Variants in PPARD observed in about 807,000 individuals in gnomAD.
The protein encoded by PPARD is peroxisome proliferator-activated receptor delta.
PPARD carries 6 observed loss-of-function variants against 39.5 expected under a neutral mutation model. The observed-to-expected ratio is 0.15, with a 90% confidence interval of 0.08 to 0.30. The LOEUF (loss-of-function observed/expected upper bound fraction) is 0.30. Ranked by LOEUF, PPARD falls within the 10% of genes least tolerant of loss-of-function variation. PPARD has a pLI of 1.00. For synonymous variants in PPARD, 210 were observed against 231.3 expected, an observed-to-expected ratio of 0.91 and a Z score of 0.83; for missense variants, 397 against 596.8, an observed-to-expected ratio of 0.67 and a Z score of 3.49.
intron 2 of PPARD, among the ~76,000 whole-genome samples, chr6:35,409,593 G>A (rs1422105292): frequency 6.6e-6 from 1 of 152,038 alleles, no homozygotes; most frequent in Non-Finnish European, 1.5e-5. Context: ...GGGTACAGAT[G>A]CAGGTTTGTT....
chr6:35,390,257 G>A (rs997491089), intron 2 of PPARD, among the ~76,000 whole-genome samples: 7 of 152,190 alleles, frequency 4.6e-5, no homozygotes, highest in Non-Finnish European at 1.0e-4. Flanking sequence ...CCTCTTATGT[G>A]CCCTCCATCA....
At position 35,369,891 on chromosome 6, in the gene PPARD, C is replaced by G. The variant is rs538628139; in HGVS notation, c.-102+22741C>G. 2.6e-5 allele frequency among the ~76,000 whole-genome samples: 4 copies of G among 152,314 alleles called. No individual in the cohort carries two copies. The East Asian group carries it at 7.7e-4, about 29-fold the overall frequency. On this transcript the variant is annotated intron_variant, in intron 2 of 7. Coordinates refer to ENST00000360694, the MANE Select transcript of PPARD (RefSeq NM_006238.5). ...GTCACCTTCTCTGTCTCCCCTACTA[C>G]TTGGCATAGTTCCTGGCACTTGGTA... is the stretch of plus-strand genomic sequence containing the variant.
intron 1 of PPARD, among the ~76,000 whole-genome samples, 190 bp downstream of exon 1, chr6:35,342,871 G>C (rs891891150): frequency 2.0e-5 from 3 of 152,172 alleles, no homozygotes; most frequent in African/African-American, 7.2e-5. Context: ...GCCGTCGTGC[G>C]TTGCCATGTA....
At chr6:35,384,707 G>C (rs1313585151) in intron 2 of PPARD, among the ~76,000 whole-genome samples, 4 of 92,722 alleles carry the variant, frequency 4.3e-5, no homozygotes, top group African/African-American at 1.9e-4. Context: ...TGGGAGGTGA[G>C]GGGCGCCTCT....
chr6:35,389,300 T>G (rs1040163239), intron 2 of PPARD, among the ~76,000 whole-genome samples: 4 of 151,720 alleles, frequency 2.6e-5, no homozygotes, highest in African/African-American at 9.7e-5. Context: ...TTTTTTGGTT[T>G]GTTTTTTGTT....
chr6:35,382,119 G>C (rs912961942), intron 2 of PPARD, among the ~76,000 whole-genome samples: 5 of 152,196 alleles, frequency 3.3e-5, no homozygotes, highest in Admixed American at 1.3e-4. Context: ...TCTGACGTCA[G>C]CAGTAGCCCC....
At chr6:35,365,130 CT>C (rs551946022) in intron 2 of PPARD, among the ~76,000 whole-genome samples, 2,381 of 121,032 alleles carry the variant, frequency 0.02, 17 homozygotes, top group South Asian at 0.055. Flanking sequence ...CTTCCTTATT[CT>C]TTTTTTTTTT....
intron 2 of PPARD, among the ~76,000 whole-genome samples, chr6:35,408,011 A>AT (rs1427064378): frequency 2.6e-5 from 4 of 152,060 alleles, no homozygotes; most frequent in Admixed American, 2.0e-4. Context: ...AACAAGTTTG[A>AT]TTTTTTCACC....
intron 2 of PPARD, among the ~76,000 whole-genome samples, chr6:35,355,145 T>A (rs1367839387): frequency 6.6e-6 from 1 of 152,108 alleles, no homozygotes; most frequent in Non-Finnish European, 1.5e-5. Flanking sequence ...TTCCATTAAA[T>A]AGCTCCTGGC....
chr6:35,348,805 G>T, intron 2 of PPARD: 10 of 985,402 alleles, frequency 1.0e-5, no homozygotes, highest in Non-Finnish European at 1.2e-5. Flanking sequence ...GAGGAAGAAG[G>T]GGGGAGTTTC....
Position 35,425,739 on chromosome 6 carries a change from C to T in PPARD, c.1079-93C>T. On this transcript the variant is annotated intron_variant, in intron 7 of 7. Transcript: ENST00000360694. The surrounding 1 kb of genome is among the most constrained non-coding windows in gnomAD (Gnocchi z 4.5). ...CTTGGTCTGTCACGGCCAAGGAGGC[C>T]TGCCGTCCCCTGGGCCAAGTCACCT... The T allele has an allele frequency of 1.3e-6, 2 of 1,541,792 alleles. No individual in the cohort carries two copies. Among genetic ancestry groups the T allele is most frequent in the Admixed American group, 3.5e-5 (2 of 56,754 alleles).
At chr6:35,356,224 G>A (rs769450997) in intron 2 of PPARD, among the ~76,000 whole-genome samples, 90 of 152,136 alleles carry the variant, frequency 5.9e-4, no homozygotes, top group Non-Finnish European at 1.5e-4. Flanking sequence ...TTTGTGATCT[G>A]CTAGGACCAC....
rs959545502 is a variant in PPARD at position 35,350,612 on chromosome 6, C to CTTT, written c.-102+3482_-102+3484dup. 4.6e-3 allele frequency among the ~76,000 whole-genome samples: 479 copies of CTTT among 104,450 alleles called. 1 individual carries two copies. Among genetic ancestry groups the CTTT allele is most frequent in the African/African-American group, 0.013 (308 of 23,666 alleles). 68.5% of individuals were successfully genotyped at this position (104,450 alleles called of 152,430 possible). On this transcript the variant is annotated intron_variant, in intron 2 of 7. Transcript: ENST00000360694. Reference sequence around the variant, plus strand: ...TATTCTGTTCCATTGGTCTATGTGTCTTTTTTTTTTTTTTTTTTTTTTCTC... The same window carrying CTTT: ...TATTCTGTTCCATTGGTCTATGTGTCTTTTTTTTTTTTTTTTTTTTTTTTTCTC...
intron 2 of PPARD, among the ~76,000 whole-genome samples, chr6:35,349,888 C>T (rs574961220): frequency 1.2e-4 from 18 of 151,822 alleles, no homozygotes; most frequent in Middle Eastern, 3.4e-3. Flanking sequence ...ATTACAGGCG[C>T]CCGCCACCAC....
At chr6:35,370,851 T>C (rs1010096924) in intron 2 of PPARD, among the ~76,000 whole-genome samples, 4 of 152,194 alleles carry the variant, frequency 2.6e-5, no homozygotes, top group Non-Finnish European at 5.9e-5. Context: ...AGCTCTTGTG[T>C]GTAGCAGGGA....
chr6:35,409,312 C>T (rs765016069), intron 2 of PPARD, among the ~76,000 whole-genome samples: 4 of 151,868 alleles, frequency 2.6e-5, no homozygotes, highest in African/African-American at 7.3e-5. Flanking sequence ...CAAAACCAGC[C>T]GGGGCAACAT....
Position 35,345,293 on chromosome 6 carries a change from C to G in PPARD, c.-185-1774C>G, listed in dbSNP as rs183611983. On this transcript the variant is annotated intron_variant, in intron 1 of 7. Transcript: ENST00000360694. ...GTCTGGGTCTGGATTTTCTTTCCTT[C>G]TTTCTTTTCTGACACAAGGTTTTGT... is the stretch of plus-strand genomic sequence containing the variant. 3.1e-4 allele frequency among the ~76,000 whole-genome samples: 47 copies of G among 152,218 alleles called. No individual in the cohort carries two copies. In the East Asian group the frequency reaches 6.6e-3, roughly 21 times the overall value.
intron 3 of PPARD, among the ~76,000 whole-genome samples, chr6:35,413,740 G>A (rs942665516): frequency 6.6e-6 from 1 of 150,836 alleles, no homozygotes; most frequent in East Asian, 2.0e-4. Context: ...GGAGTGCAGT[G>A]GCACACGATC....
chr6:35,373,120 G>C (rs972178558), intron 2 of PPARD, among the ~76,000 whole-genome samples: 6 of 152,074 alleles, frequency 3.9e-5, no homozygotes, highest in Non-Finnish European at 5.9e-5. Context: ...TAGTTCCCTG[G>C]AGCCCTTTTA....
Sources: gnomAD v4.1 joint callset for allele counts (sites outside exome capture counted in the v4.1 genomes callset) on GRCh38, gnomAD v4.1.1 for gene constraint, Gnocchi (gnomAD v3.1) non-coding constraint, MANE v1.5 for transcripts, NCBI Gene and HGNC (gene_info 2026-07-23, HGNC 2026-07-21) for gene names.